DIP2B: variants seen among roughly 807,000 people sequenced by gnomAD.
DIP2B encodes the protein DIP2 acetate--CoA ligase B (putative), also known as disco-interacting protein 2 homolog B.
Under a neutral mutation model 198.0 loss-of-function variants are expected in DIP2B, and 76 were observed. The observed-to-expected ratio is 0.38, with a 90% CI of 0.32 to 0.46. DIP2B has a LOEUF of 0.46. Ranked by LOEUF, DIP2B falls within the 20% of genes least tolerant of loss-of-function variation. The pLI is 0.99. For missense variants in DIP2B, 1,559 were observed against 1,978.4 expected (o/e 0.79, Z 4.02); for synonymous variants, 701 against 739.1 (o/e 0.95, Z 0.84).
At chr12:50,660,478 C>T (rs1419717561) in intron 4 of DIP2B, among the ~76,000 whole-genome samples, 159 bp downstream of exon 4, 1 of 152,018 alleles carries the variant, frequency 6.6e-6, no homozygotes, top group Non-Finnish European at 1.5e-5. Flanking sequence ...CTTGTCATCT[C>T]GTAAACAACA....
intron 1 of DIP2B, among the ~76,000 whole-genome samples, chr12:50,522,094 G>T (rs1025704952): frequency 3.3e-5 from 5 of 151,884 alleles, no homozygotes; most frequent in Non-Finnish European, 5.9e-5. Context: ...TCCGTGTCCG[G>T]GGTTCAAGTG....
intron 1 of DIP2B, among the ~76,000 whole-genome samples, chr12:50,580,111 C>T (rs1390721734): frequency 6.7e-6 from 1 of 148,704 alleles, no homozygotes; most frequent in African/African-American, 2.5e-5. Flanking sequence ...GGTCATATCA[C>T]GTGGACTTGA....
chr12:50,579,791 A>T (rs1310023592), intron 1 of DIP2B, among the ~76,000 whole-genome samples: 2 of 148,732 alleles, frequency 1.3e-5, no homozygotes, highest in African/African-American at 2.5e-5. Flanking sequence ...GGAGAACTGC[A>T]GATTGAAAGT....
intron 4 of DIP2B, among the ~76,000 whole-genome samples, chr12:50,668,105 C>T (rs755462015): frequency 9.2e-5 from 14 of 152,140 alleles, no homozygotes; most frequent in Non-Finnish European, 1.8e-4. Context: ...TCGCGTGCAG[C>T]CCCCTCTACC....
intron 1 of DIP2B, among the ~76,000 whole-genome samples, chr12:50,585,947 G>A (rs1958766646): frequency 6.6e-6 from 1 of 152,176 alleles, no homozygotes; most frequent in Non-Finnish European, 1.5e-5. Flanking sequence ...CTGTTCACTG[G>A]AGTTCTTGAT....
chr12:50,666,860 ATAAT>A (rs1397724559), intron 4 of DIP2B, among the ~76,000 whole-genome samples: 1 of 152,184 alleles, frequency 6.6e-6, no homozygotes, highest in Middle Eastern at 3.2e-3. Flanking sequence ...TCTCTACTAA[ATAAT>A]ACAAAAAATT....
chr12:50,706,281 G>A (rs1939511771), intron 20 of DIP2B, among the ~76,000 whole-genome samples: 1 of 152,100 alleles, frequency 6.6e-6, no homozygotes, highest in African/African-American at 2.4e-5. Flanking sequence ...TCTTAATGAA[G>A]TTCCTCCCTA....
intron 1 of DIP2B, among the ~76,000 whole-genome samples, chr12:50,587,617 C>G (rs781363313): frequency 3.3e-5 from 5 of 152,144 alleles, no homozygotes; most frequent in Admixed American, 1.3e-4. Flanking sequence ...TATTTCAGTC[C>G]TACTTTCTCC....
intron 1 of DIP2B, among the ~76,000 whole-genome samples, chr12:50,600,886 GACCACCATCACCACC>G (rs1428908027): frequency 1.9e-4 from 25 of 134,984 alleles, no homozygotes; most frequent in African/African-American, 6.0e-4. Context: ...TCACCACCAT[GACCACCATCACCACC>G]ACCACCACCA....
At chr12:50,607,150 G>T (rs1485325758) in intron 1 of DIP2B, among the ~76,000 whole-genome samples, 3 of 151,708 alleles carry the variant, frequency 2.0e-5, no homozygotes, top group African/African-American at 7.3e-5. Context: ...TGGTGGAGTG[G>T]GTGGAGAGGG....
At chr12:50,507,418 CAT>C (rs1593560851) in intron 1 of DIP2B, among the ~76,000 whole-genome samples, 1 of 152,164 alleles carries the variant, frequency 6.6e-6, no homozygotes, top group Non-Finnish European at 1.5e-5. Context: ...CAAAAGTCCC[CAT>C]ATCTGTGTAG....
At chr12:50,592,581 A>C (rs1958829161) in intron 1 of DIP2B, among the ~76,000 whole-genome samples, 2 of 151,842 alleles carry the variant, frequency 1.3e-5, no homozygotes, top group Admixed American at 6.6e-5. Context: ...GAGTTCCAGC[A>C]ATTCTCCTGC....
At chr12:50,714,346 A>G (rs762008190) in intron 22 of DIP2B, 49 bp from the exon 23 acceptor site, 3 of 1,604,136 alleles carry the variant, frequency 1.9e-6, no homozygotes, top group African/African-American at 1.3e-5. Flanking sequence ...GAATATGTCA[A>G]ATGTAATAGA....
intron 1 of DIP2B, among the ~76,000 whole-genome samples, chr12:50,542,526 A>T (rs1423735957): frequency 6.6e-6 from 1 of 152,154 alleles, no homozygotes; most frequent in Non-Finnish European, 1.5e-5. Flanking sequence ...TCTGATGTGG[A>T]GGGAGAGACA....
At chr12:50,638,922 T>C (rs796748421) in intron 2 of DIP2B, among the ~76,000 whole-genome samples, 5 of 151,428 alleles carry the variant, frequency 3.3e-5, no homozygotes, top group South Asian at 2.1e-4. Context: ...AATCTGAAAA[T>C]TGGCAATTAG....
Position 50,505,247 on chromosome 12 carries a change from G to A in DIP2B, c.100+7G>A. 1 of 1,503,580 alleles carries A rather than the reference G, an allele frequency of 6.7e-7. No individual in the cohort carries two copies. The highest frequency in any genetic ancestry group is 2.3e-4 in the Middle Eastern group (1 of 4,340). The allele number at this position is 1,503,580 out of a possible 1,614,324, so 93.1% of individuals were successfully genotyped here. Reference sequence around the variant, plus strand: ...GAGCTGGAGCTCTCGGAGGGTAGGAGCCGGGCCGGGGAGAGGGCGCCCGGG... The same window carrying A: ...GAGCTGGAGCTCTCGGAGGGTAGGAACCGGGCCGGGGAGAGGGCGCCCGGG... On this transcript the variant is annotated splice_region_variant and intron_variant, in intron 1 of 37. Coordinates refer to ENST00000301180, the MANE Select transcript of DIP2B (RefSeq NM_173602.3).
intron 1 of DIP2B, among the ~76,000 whole-genome samples, chr12:50,550,866 A>G (rs1958421841): frequency 6.6e-6 from 1 of 152,162 alleles, no homozygotes; most frequent in African/African-American, 2.4e-5. Context: ...GCTCACGTTT[A>G]TAATCCCAGC....
At chr12:50,652,155 T>TA (rs961372909) in intron 3 of DIP2B, among the ~76,000 whole-genome samples, 11 of 150,946 alleles carry the variant, frequency 7.3e-5, no homozygotes, top group African/African-American at 1.7e-4. Context: ...CTACTAAAAA[T>TA]AAAAAAAATT....
intron 1 of DIP2B, among the ~76,000 whole-genome samples, chr12:50,549,456 G>T (rs1958406920): frequency 6.6e-6 from 1 of 152,068 alleles, no homozygotes; most frequent in Non-Finnish European, 1.5e-5. Flanking sequence ...CGTGAACCTG[G>T]GAGGTGGAGC....
Sources: allele counts gnomAD v4.1 joint callset (sites outside exome capture counted in the v4.1 genomes callset), GRCh38; gene constraint gnomAD v4.1.1; transcripts MANE v1.5; gene names NCBI Gene and HGNC (gene_info 2026-07-23, HGNC 2026-07-21).